The following SLC35F5 variants were observed in gnomAD, a reference collection of about 807,000 sequenced individuals.
SLC35F5 encodes the protein solute carrier family 35 member F5.
A neutral mutation model predicts 68.6 loss-of-function variants in SLC35F5; 54 were observed. The observed-to-expected ratio is 0.79, with a 90% CI of 0.63 to 0.99. The LOEUF (loss-of-function observed/expected upper bound fraction) is 0.99. SLC35F5 is among the 50% of genes least tolerant of loss of function. SLC35F5 has a pLI of 0.00. For missense variants in SLC35F5, 567 were observed against 626.9 expected (o/e 0.90, Z 1.02); for synonymous variants, 211 against 205.2 (o/e 1.03, Z -0.24).
intron 13 of SLC35F5, among the ~76,000 whole-genome samples, chr2:113,721,523 C>G (rs1254367666): frequency 6.6e-6 from 1 of 151,814 alleles, no homozygotes; most frequent in Non-Finnish European, 1.5e-5. Context: ...AATTAGGTCC[C>G]CTGTGACTAT....
chr2:113,729,544 G>A (rs775330735), intron 10 of SLC35F5, 39 bp from the exon 11 acceptor site: 1 of 1,091,488 alleles, frequency 9.2e-7, no homozygotes, highest in Admixed American at 2.1e-5. Context: ...TCACTCATTA[G>A]CTCATTCAAT....
chr2:113,718,401 TAAAAA>T (rs2104970263), intron 14 of SLC35F5, among the ~76,000 whole-genome samples: 1 of 152,266 alleles, frequency 6.6e-6, no homozygotes, highest in South Asian at 2.1e-4. Flanking sequence ...CTTTCATTCT[TAAAAA>T]GAAAGAAATT....
chr2:113,726,397 A>G (rs1308870721), intron 11 of SLC35F5, among the ~76,000 whole-genome samples: 2 of 152,196 alleles, frequency 1.3e-5, no homozygotes, highest in African/African-American at 4.8e-5. Context: ...TATAAAGAAA[A>G]AAGATTACAA....
intron 10 of SLC35F5, among the ~76,000 whole-genome samples, chr2:113,730,127 T>C (rs1275321991): frequency 6.6e-6 from 1 of 152,226 alleles, no homozygotes; most frequent in Non-Finnish European, 1.5e-5. Context: ...ATAAATCTCA[T>C]ATTGTTCCAA....
At chr2:113,722,715 C>T (rs1457431670) in intron 13 of SLC35F5, among the ~76,000 whole-genome samples, 1 of 152,186 alleles carries the variant, frequency 6.6e-6, no homozygotes, top group Non-Finnish European at 1.5e-5. Context: ...CTAACTTTTA[C>T]TGCAAACAGC....
rs1676748071 is a variant in SLC35F5, at chr2:113,751,727, T to C, written c.274-1159A>G. On this transcript the variant is annotated intron_variant, in intron 3 of 15. Coordinates refer to ENST00000245680, the MANE Select transcript of SLC35F5 (RefSeq NM_025181.5). ...CTGGAGGCTGAGGCAGGAGAATCAC[T>C]TGAACCCAGGAGTCAGAGGTTATAG... Among the ~76,000 whole-genome samples, 3 of 152,076 alleles carry C rather than the reference T, an allele frequency of 2.0e-5. No individual in the cohort carries two copies. In the South Asian group the frequency reaches 6.2e-4, roughly 32 times the overall value.
intron 9 of SLC35F5, chr2:113,733,433 T>C (rs768346813): frequency 3.1e-6 from 1 of 327,688 alleles, no homozygotes; most frequent in South Asian, 2.5e-5. Context: ...AGAAAAGTTA[T>C]AAATTAGCAC....
In SLC35F5 at chr2:113,755,542, C is replaced by T. The variant is rs778071602; in HGVS notation, c.43G>A (p.Val15Met). The change falls in exon 2 of 16, where the codon GTG (valine) becomes ATG (methionine). Residue 15 changes from valine (V) to methionine (M), a missense_variant and splice_region_variant. By Grantham distance (21) the Val-to-Met change is conservative. Coordinates refer to ENST00000245680, the MANE Select transcript of SLC35F5 (RefSeq NM_025181.5). ...RRHRGAGRPG[V>M]LSSSPPFRLR... ...CTAAAAGGAGGTGAAGAACTCAGCA[C>T]CCCTAAAAACAACCATGAAATTATG... 1.5e-5 allele frequency: 24 copies of T among 1,613,108 alleles called. No homozygotes were observed. Among genetic ancestry groups the T allele is most frequent in the Non-Finnish European group, 1.9e-5 (23 of 1,179,500 alleles).
rs1275434632 is a variant in SLC35F5, at chr2:113,755,310, T to C, written c.132-4A>G. The C allele has an allele frequency of 2.1e-5, 34 of 1,613,620 alleles. No homozygotes were observed. The highest frequency in any genetic ancestry group is 2.8e-5 in the Non-Finnish European group (33 of 1,179,754). ...AAATACACACACCATTTGCAGTCTG[T>C]TTTTTAGAAAATACAGATCACATTA... is the stretch of plus-strand genomic sequence containing the variant. On this transcript the variant is annotated splice_region_variant and splice_polypyrimidine_tract_variant and intron_variant, in intron 2 of 15. Transcript: ENST00000245680.
chr2:113,705,921 G>C (rs1326350870), downstream of SLC35F5, among the ~76,000 whole-genome samples: 1 of 152,174 alleles, frequency 6.6e-6, no homozygotes, highest in Non-Finnish European at 1.5e-5. Context: ...AGAAGAAAAA[G>C]GGAAAGGGGA....
At chr2:113,729,186 T>C (rs1195472025) in intron 11 of SLC35F5, among the ~76,000 whole-genome samples, 4 of 152,194 alleles carry the variant, frequency 2.6e-5, no homozygotes, top group African/African-American at 2.4e-5. Context: ...TTTCTTTCTG[T>C]CTCACACTGA....
rs1163027285 is a variant in SLC35F5 at position 113,718,926 on chromosome 2, A to G, written c.1496+228T>C. On this transcript the variant is annotated intron_variant, in intron 14 of 15. Transcript: ENST00000245680. Reference sequence around the variant, plus strand: ...GAAAGAAAGAAAGAAAGAAAGAAAGAAAAAGAAAGGAAGAAAGGAAGGAAG... The same window carrying G: ...GAAAGAAAGAAAGAAAGAAAGAAAGGAAAAGAAAGGAAGAAAGGAAGGAAG... Among the ~76,000 whole-genome samples, 186 of 43,754 alleles carry G rather than the reference A, an allele frequency of 4.3e-3. 1 individual carries two copies. The highest frequency in any genetic ancestry group is 0.012 in the African/African-American group (178 of 14,336). 28.7% of individuals were successfully genotyped at this position (43,754 alleles called of 152,430 possible).
chr2:113,754,104 A>G (rs1297484293), intron 3 of SLC35F5, among the ~76,000 whole-genome samples: 1 of 152,086 alleles, frequency 6.6e-6, no homozygotes, highest in Middle Eastern at 3.2e-3. Context: ...ATTCTGACCA[A>G]CATGGTGAAA....
At position 113,745,166 on chromosome 2, in the gene SLC35F5, G is replaced by C. The variant is rs533251359; in HGVS notation, c.480+1111C>G. Among the ~76,000 whole-genome samples the C allele has an allele frequency of 2.6e-5, 4 of 152,300 alleles. No homozygotes were observed. In the South Asian group the frequency reaches 8.3e-4, roughly 32 times the overall value. On this transcript the variant is annotated intron_variant, in intron 5 of 15. Coordinates refer to ENST00000245680, the MANE Select transcript of SLC35F5 (RefSeq NM_025181.5). ...ATCTTACAGATAATAGTAAGAATTA[G>C]TACAAGAGTAGCCAGAAGAGCAGGC...
At chr2:113,725,710 G>A (rs67850681) in intron 11 of SLC35F5, 173 bp from the exon 12 acceptor site, 227,685 of 468,194 alleles carry the variant, frequency 0.49, 59,193 homozygotes, top group Middle Eastern at 0.61. Context: ...CAACGCCATA[G>A]AAAAAAAAAC....
rs377103098 is a variant in SLC35F5 at position 113,744,139 on chromosome 2, T to A, written c.481-345A>T. 2.6e-4 allele frequency among the ~76,000 whole-genome samples: 40 copies of A among 152,276 alleles called. No individual in the cohort carries two copies. The South Asian group carries it at 8.3e-3, about 32-fold the overall frequency. Reference sequence around the variant, plus strand: ...TCCTTTTCATTCATTTAACAAATGCTCATAGTAGGAGTCTGAGCTCCTACT... The same window carrying A: ...TCCTTTTCATTCATTTAACAAATGCACATAGTAGGAGTCTGAGCTCCTACT... On this transcript the variant is annotated intron_variant, in intron 5 of 15. Coordinates refer to ENST00000245680, the MANE Select transcript of SLC35F5 (RefSeq NM_025181.5).
intron 4 of SLC35F5, among the ~76,000 whole-genome samples, chr2:113,747,365 G>A (rs1676537871): frequency 6.6e-6 from 1 of 151,804 alleles, no homozygotes; most frequent in Non-Finnish European, 1.5e-5. Flanking sequence ...ATGTAAATAT[G>A]ATTTCATTTC....
chr2:113,750,916 A>C (rs1349347541), intron 3 of SLC35F5, among the ~76,000 whole-genome samples: 1 of 152,232 alleles, frequency 6.6e-6, no homozygotes, highest in Non-Finnish European at 1.5e-5. Context: ...AGACCAAGAC[A>C]GGAAGATTGC....
chr2:113,753,595 G>C (rs1271716849), intron 3 of SLC35F5, among the ~76,000 whole-genome samples: 1 of 152,110 alleles, frequency 6.6e-6, no homozygotes, highest in African/African-American at 2.4e-5. Flanking sequence ...AAAAAATTAA[G>C]GTAAGTTGAG....
Sources: allele counts gnomAD v4.1 joint callset (sites outside exome capture counted in the v4.1 genomes callset), GRCh38; gene constraint gnomAD v4.1.1; transcripts MANE v1.5; gene names NCBI Gene and HGNC (gene_info 2026-07-23, HGNC 2026-07-21).